The following ATP8B4 variants were observed in gnomAD, a reference collection of about 807,000 sequenced individuals.
ATP8B4 encodes the protein probable phospholipid-transporting ATPase IM.
ATP8B4 carries 133 observed loss-of-function variants against 145.6 expected under a neutral mutation model. The observed-to-expected ratio is 0.91, with a 90% CI of 0.79 to 1.05. ATP8B4 has a LOEUF of 1.05. Ranked by LOEUF, ATP8B4 falls within the 50% of genes least tolerant of loss-of-function variation. The pLI is 0.00. For synonymous variants in ATP8B4, 507 were observed against 492.9 expected (o/e 1.03, Z -0.38); for missense variants, 1,458 against 1,425.2 (o/e 1.02, Z -0.37).
At chr15:50,112,060 GCT>G (rs1446212004) in intron 1 of ATP8B4, among the ~76,000 whole-genome samples, 21 of 152,276 alleles carry the variant, frequency 1.4e-4, no homozygotes, top group Admixed American at 1.2e-3. Flanking sequence ...TTAAAGAGAA[GCT>G]CTGTTTGCAG....
At position 49,972,688 on chromosome 15, in the gene ATP8B4, G is replaced by A. The variant is rs1484536893; in HGVS notation, c.1137C>T (p.Leu379=). ...ACTCAATCTGCCCCAGTTCCTCATTGAGCGTGGTCGTTCGAGCCACTGCAG... is the reference window on the plus strand; with the variant it reads ...ACTCAATCTGCCCCAGTTCCTCATTAAGCGTGGTCGTTCGAGCCACTGCAG... ...AIPAVARTTT[L]NEELGQIEYI... is the part of the protein sequence containing the mutation. Residue 379 remains leucine (L), a synonymous_variant, in exon 13 of 28, where the codon CTC becomes CTT. Coordinates refer to ENST00000284509, the MANE Select transcript of ATP8B4 (RefSeq NM_024837.4). 3 of 1,613,824 alleles carry A rather than the reference G, an allele frequency of 1.9e-6. No individual in the cohort carries two copies. The highest frequency in any genetic ancestry group is 1.7e-6 in the Non-Finnish European group (2 of 1,179,990).
At chr15:49,910,088 T>C (rs1384884892) in intron 20 of ATP8B4, among the ~76,000 whole-genome samples, 1 of 151,538 alleles carries the variant, frequency 6.6e-6, no homozygotes. Flanking sequence ...AGATAAACAA[T>C]ACAAAGAAAT....
intron 6 of ATP8B4, among the ~76,000 whole-genome samples, chr15:50,029,238 T>TAAAAAAAAAAAAAAAAA (rs58363112): frequency 1.4e-4 from 11 of 76,616 alleles, no homozygotes; most frequent in South Asian, 5.6e-4. Context: ...GACTCCATCT[T>TAAAAAAAAAAAAAAAAA]AAAAAAAAAA....
At chr15:50,138,326 G>GGTAGATAGATAGA in intron 1 of ATP8B4, among the ~76,000 whole-genome samples, 1 of 148,226 alleles carries the variant, frequency 6.7e-6, no homozygotes, top group East Asian at 2.0e-4. Flanking sequence ...AGATAGATAG[G>GGTAGATAGATAGA]TAGATAGATA....
intron 1 of ATP8B4, among the ~76,000 whole-genome samples, chr15:50,147,575 T>C (rs1189369008): frequency 6.6e-6 from 1 of 151,786 alleles, no homozygotes; most frequent in Non-Finnish European, 1.5e-5. Flanking sequence ...CACGGAGAAA[T>C]GGTTGATTCC....
intron 23 of ATP8B4, among the ~76,000 whole-genome samples, chr15:49,881,231 G>C (rs533282789): frequency 1.9e-4 from 29 of 152,182 alleles, no homozygotes; most frequent in African/African-American, 6.5e-4. Context: ...GTGGAGTTGA[G>C]ACATACTCAC....
rs565494795 is a variant in ATP8B4 at position 50,014,615 on chromosome 15, A to C, written c.363-3698T>G. 1.2e-4 allele frequency among the ~76,000 whole-genome samples: 18 copies of C among 152,264 alleles called. No individual in the cohort carries two copies. In the South Asian group the frequency reaches 1.7e-3, roughly 14 times the overall value. ...AAATTTGAATTTCAGATAAACAACA[A>C]ATTATTTTTAGTATATATTCCATGA... On this transcript the variant is annotated intron_variant, in intron 6 of 27. Coordinates refer to ENST00000284509, the MANE Select transcript of ATP8B4 (RefSeq NM_024837.4).
intron 3 of ATP8B4, among the ~76,000 whole-genome samples, chr15:50,049,247 C>A (rs776380564): frequency 8.5e-5 from 13 of 152,324 alleles, no homozygotes; most frequent in Non-Finnish European, 1.6e-4. Flanking sequence ...TCCACTCTCC[C>A]TAGTAACAAG....
At chr15:50,096,257 C>G (rs927092272) in intron 2 of ATP8B4, among the ~76,000 whole-genome samples, 1 of 152,112 alleles carries the variant, frequency 6.6e-6, no homozygotes, top group Non-Finnish European at 1.5e-5. Context: ...GAGAGAATAG[C>G]CGCTCTCCCC....
intron 20 of ATP8B4, among the ~76,000 whole-genome samples, chr15:49,911,509 C>T (rs944343135): frequency 1.3e-5 from 2 of 151,944 alleles, no homozygotes; most frequent in Non-Finnish European, 2.9e-5. Context: ...TATATATTCA[C>T]CCAACACTGA....
chr15:50,109,157 T>C (rs1273263929), intron 1 of ATP8B4, among the ~76,000 whole-genome samples: 1 of 152,018 alleles, frequency 6.6e-6, no homozygotes, highest in East Asian at 1.9e-4. Flanking sequence ...TGAGCAAAAC[T>C]GGGTTAGCAA....
At chr15:49,984,222 C>A (rs986661979) in intron 10 of ATP8B4, among the ~76,000 whole-genome samples, 1 of 152,054 alleles carries the variant, frequency 6.6e-6, no homozygotes, top group Non-Finnish European at 1.5e-5. Flanking sequence ...AGTGTCAGAG[C>A]GAGAATTTGA....
chr15:49,972,125 C>T (rs561156488), intron 13 of ATP8B4, among the ~76,000 whole-genome samples: 6 of 151,990 alleles, frequency 3.9e-5, no homozygotes, highest in East Asian at 1.9e-4. Flanking sequence ...AGTGTTGGGA[C>T]GTGGGAGGCT....
At chr15:50,073,290 G>A (rs183550678) in intron 3 of ATP8B4, among the ~76,000 whole-genome samples, 163 of 151,866 alleles carry the variant, frequency 1.1e-3, no homozygotes, top group African/African-American at 3.9e-3. Context: ...CTGAGTCCAT[G>A]TATTCTCATT....
intron 1 of ATP8B4, among the ~76,000 whole-genome samples, chr15:50,144,631 A>C (rs933854): frequency 6.6e-6 from 1 of 152,112 alleles, no homozygotes; most frequent in Non-Finnish European, 1.5e-5. Context: ...ATTACAATTC[A>C]AGATGAGATT....
intron 24 of ATP8B4, among the ~76,000 whole-genome samples, chr15:49,877,474 G>A (rs1367951021): frequency 6.6e-6 from 1 of 152,146 alleles, no homozygotes; most frequent in African/African-American, 2.4e-5. Context: ...CCTGCTTGTG[G>A]GATGGCCCAG....
intron 24 of ATP8B4, among the ~76,000 whole-genome samples, chr15:49,878,779 C>T (rs2034912146): frequency 6.6e-6 from 1 of 152,156 alleles, no homozygotes; most frequent in South Asian, 2.1e-4. Context: ...AGCTTCTCAT[C>T]CTCCTCTCCC....
At chr15:50,106,844 G>A in intron 2 of ATP8B4, 95 bp downstream of exon 2, 2 of 1,260,974 alleles carry the variant, frequency 1.6e-6, no homozygotes, top group South Asian at 1.4e-5. Flanking sequence ...ACCTAGACCT[G>A]TGTGCTTTTT....
chr15:49,874,683 A>G (rs1449801433), intron 25 of ATP8B4, among the ~76,000 whole-genome samples: 1 of 152,150 alleles, frequency 6.6e-6, no homozygotes, highest in Non-Finnish European at 1.5e-5. Flanking sequence ...TGGATAATCA[A>G]GGGTTAGAAA....
Sources: allele counts gnomAD v4.1 joint callset (sites outside exome capture counted in the v4.1 genomes callset), GRCh38; gene constraint gnomAD v4.1.1; transcripts MANE v1.5; gene names NCBI Gene and HGNC (gene_info 2026-07-23, HGNC 2026-07-21).